The following KALRN variants were observed in gnomAD, a reference collection of about 807,000 sequenced individuals.
The protein encoded by KALRN is kalirin RhoGEF kinase.
In KALRN, 70 loss-of-function variants were observed where a neutral mutation model predicts 353.7. The observed-to-expected ratio is 0.20, with a 90% CI of 0.16 to 0.24. KALRN has a LOEUF of 0.24. Ranked by LOEUF, KALRN falls within the 10% of genes least tolerant of loss-of-function variation. The pLI, the probability that KALRN is intolerant of heterozygous loss-of-function variation, is 1.00. For synonymous variants in KALRN, 1,391 were observed against 1,434.8 expected, an observed-to-expected ratio of 0.97 and a Z score of 0.69; for missense variants, 2,791 against 3,756.7, an observed-to-expected ratio of 0.74 and a Z score of 6.72.
intron 9 of KALRN, among the ~76,000 whole-genome samples, chr3:124,345,488 C>T (rs2082171720): frequency 6.6e-6 from 1 of 151,882 alleles, no homozygotes; most frequent in South Asian, 2.1e-4. Flanking sequence ...ATGTAAAGTT[C>T]CTTTCAGTGC....
chr3:124,130,318 C>T (rs185927809), intron 1 of KALRN, among the ~76,000 whole-genome samples: 200 of 152,208 alleles, frequency 1.3e-3, no homozygotes, highest in African/African-American at 4.5e-3. Context: ...ATTCAGAGCT[C>T]TCTGAACTTC....
chr3:124,634,939 A>G (rs568695277), intron 36 of KALRN, among the ~76,000 whole-genome samples: 100 of 152,138 alleles, frequency 6.6e-4, no homozygotes, highest in African/African-American at 2.0e-3. Context: ...GTGACATCTC[A>G]GTTCTTATTT....
At position 124,234,932 on chromosome 3, in the gene KALRN, C is replaced by G; in HGVS notation, c.252C>G (p.Ala84=). 6.2e-7 allele frequency: 1 copy of G among 1,600,474 alleles called. No individual in the cohort carries two copies. Among genetic ancestry groups the G allele is most frequent in the Non-Finnish European group, 8.5e-7 (1 of 1,172,582 alleles). ...EDLRKLVTYL[A]SVPSEDVCKR... is the part of the protein sequence containing the mutation. Reference sequence around the variant, plus strand: ...TGCGGAAACTCGTGACGTATTTGGCCAGCGTGCCAAGGTAAGGGGAAGGGG... The same window carrying G: ...TGCGGAAACTCGTGACGTATTTGGCGAGCGTGCCAAGGTAAGGGGAAGGGG... The change falls in exon 3 of 60, where the codon GCC becomes GCG. Residue 84 remains alanine, a synonymous_variant. Coordinates refer to ENST00000682506, the MANE Select transcript of KALRN (RefSeq NM_001388419.1).
chr3:124,266,895 T>C (rs1385592208), intron 4 of KALRN, among the ~76,000 whole-genome samples: 1 of 152,224 alleles, frequency 6.6e-6, no homozygotes, highest in African/African-American at 2.4e-5. Context: ...AACAAGCCTA[T>C]AGATGTATAA....
intron 8 of KALRN, among the ~76,000 whole-genome samples, chr3:124,332,270 C>T (rs753270302): frequency 8.5e-5 from 13 of 152,060 alleles, no homozygotes; most frequent in Non-Finnish European, 1.6e-4. Flanking sequence ...CTTCTGTATT[C>T]CTGGACCCCC....
At chr3:124,674,814 T>G (rs1033930467) in intron 49 of KALRN, 200 bp downstream of exon 49, 9 of 450,766 alleles carry the variant, frequency 2.0e-5, no homozygotes, top group Non-Finnish European at 3.0e-5. Context: ...GTTTTTTAGT[T>G]GGTGGTGGCG....
intron 33 of KALRN, among the ~76,000 whole-genome samples, chr3:124,537,050 AT>A (rs1323494797): frequency 7.9e-5 from 12 of 151,736 alleles, no homozygotes; most frequent in East Asian, 5.8e-4. Flanking sequence ...CCATAAGAGA[AT>A]TTTTTTTTAA....
rs1561053169 is a variant in KALRN, at chr3:124,471,987, A to AG, written c.4032-2676_4032-2675insG. Among the ~76,000 whole-genome samples the AG allele has an allele frequency of 1.8e-4, 26 of 144,446 alleles. 5 individuals are homozygous for AG. The highest frequency in any genetic ancestry group is 2.1e-4 in the East Asian group (1 of 4,766). The allele number at this position is 144,446 out of a possible 152,430, so 94.8% of individuals were successfully genotyped here. On this transcript the variant is annotated intron_variant, in intron 25 of 59. Coordinates refer to ENST00000682506, the MANE Select transcript of KALRN (RefSeq NM_001388419.1). ...GTCTCAAAAAAAAAAAAAAAAAACA[A>AG]CCTTCATTTTACAGAAAGGCATTCC...
chr3:124,149,388 G>A (rs2067788461), intron 1 of KALRN, among the ~76,000 whole-genome samples: 1 of 152,184 alleles, frequency 6.6e-6, no homozygotes, highest in Admixed American at 6.5e-5. Context: ...ACCCCCCAGT[G>A]CCTCCACAAT....
chr3:124,116,107 A>G (rs535453542), intron 1 of KALRN, among the ~76,000 whole-genome samples: 29 of 152,336 alleles, frequency 1.9e-4, no homozygotes, highest in African/African-American at 7.0e-4. Flanking sequence ...TGTTATATTC[A>G]TGAGGCCAAG....
chr3:124,088,672 A>G (rs899471244), intron 1 of KALRN, among the ~76,000 whole-genome samples: 3 of 152,230 alleles, frequency 2.0e-5, no homozygotes, highest in Non-Finnish European at 4.4e-5. Context: ...TCCATCCAAA[A>G]GATGAAGAAA....
At chr3:124,137,518 G>C (rs555917262) in intron 1 of KALRN, among the ~76,000 whole-genome samples, 1 of 152,278 alleles carries the variant, frequency 6.6e-6, no homozygotes, top group South Asian at 2.1e-4. Context: ...TTGAAAAGGG[G>C]AAATGAATGA....
intron 33 of KALRN, among the ~76,000 whole-genome samples, chr3:124,511,131 C>T (rs1238518746): frequency 1.3e-5 from 2 of 152,144 alleles, no homozygotes; most frequent in Non-Finnish European, 2.9e-5. Flanking sequence ...CTCCTCTCCC[C>T]TTCCCCTAGT....
At chr3:124,692,734 T>G (rs1578982184) in intron 51 of KALRN, among the ~76,000 whole-genome samples, 1 of 152,262 alleles carries the variant, frequency 6.6e-6, no homozygotes, top group East Asian at 1.9e-4. Context: ...ATTTAATCTT[T>G]GTGATAACAC....
At chr3:124,559,571 G>T (rs996825098) in intron 33 of KALRN, among the ~76,000 whole-genome samples, 2 of 152,176 alleles carry the variant, frequency 1.3e-5, no homozygotes, top group African/African-American at 4.8e-5. Flanking sequence ...AGAAGCAGGG[G>T]TACAAGATCA....
In KALRN at chr3:124,405,043, G is replaced by A. The variant is rs191138530; in HGVS notation, c.2346+6172G>A. ...TAGTGATCACTGTCACATTTTCTAAGTACCCCCAGAACCTTTGGAAAGAAC... is the reference window on the plus strand; with the variant it reads ...TAGTGATCACTGTCACATTTTCTAAATACCCCCAGAACCTTTGGAAAGAAC... On this transcript the variant is annotated intron_variant, in intron 13 of 59. Coordinates refer to ENST00000682506, the MANE Select transcript of KALRN (RefSeq NM_001388419.1). Among the ~76,000 whole-genome samples the A allele has an allele frequency of 2.5e-3, 342 of 135,842 alleles. 4 individuals carry two copies. The South Asian group carries it at 0.036, about 14-fold the overall frequency. 89.1% of individuals were successfully genotyped at this position (135,842 alleles called of 152,430 possible).
At chr3:124,040,615 G>A (rs937004892) in intron 1 of KALRN, among the ~76,000 whole-genome samples, 2 of 152,130 alleles carry the variant, frequency 1.3e-5, no homozygotes, top group African/African-American at 4.8e-5. Flanking sequence ...GGCTTTGGAT[G>A]GAATAGGTTC....
chr3:124,706,677 C>G lies in KALRN; in HGVS notation c.8075+4561C>G, dbSNP rs1660020. Among the ~76,000 whole-genome samples, 1,478 of 151,934 alleles carry G rather than the reference C, an allele frequency of 9.7e-3. 32 individuals are homozygous for G. Among genetic ancestry groups the G allele is most frequent in the African/African-American group, 0.034 (1,404 of 41,434 alleles). On this transcript the variant is annotated intron_variant, in intron 57 of 59. Coordinates refer to ENST00000682506, the MANE Select transcript of KALRN (RefSeq NM_001388419.1). The stretch of plus-strand genomic sequence containing the variant: ...ATCTACCTCCCAGGTTCAAGCGATT[C>G]TCCTGCCTCAGCCTCCCGAGCAGCT...
intron 1 of KALRN, among the ~76,000 whole-genome samples, chr3:124,059,276 T>C (rs1173652713): frequency 1.3e-5 from 2 of 152,230 alleles, no homozygotes; most frequent in African/African-American, 4.8e-5. Context: ...GAAAAGTATT[T>C]TCTTATTTAT....
Sources: allele counts gnomAD v4.1 joint callset (sites outside exome capture counted in the v4.1 genomes callset), GRCh38; gene constraint gnomAD v4.1.1; transcripts MANE v1.5; gene names NCBI Gene and HGNC (gene_info 2026-07-23, HGNC 2026-07-21).